The following PUM3 variants were observed in gnomAD, a reference collection of about 807,000 sequenced individuals.
PUM3 encodes pumilio homolog 3.
In PUM3, 91 loss-of-function variants were observed where a neutral mutation model predicts 84.0. The ratio of observed to expected loss-of-function variants is 1.08; its 90% CI spans 0.91 to 1.29. The LOEUF is 1.29. PUM3 is among the 50% of genes most tolerant of loss of function. The pLI is 0.00. For synonymous variants in PUM3, 321 were observed against 266.7 expected (o/e 1.20, Z -1.98); for missense variants, 1,067 against 767.5 (o/e 1.39, Z -4.61).
rs1248638358 is a variant in PUM3, at chr9:2,834,554, A to C, written c.305-388T>G. Among the ~76,000 whole-genome samples the C allele has an allele frequency of 2.6e-5, 4 of 152,234 alleles. No individual in the cohort carries two copies. In the East Asian group the frequency reaches 5.8e-4, roughly 22 times the overall value. On this transcript the variant is annotated intron_variant, in intron 3 of 17. Coordinates refer to ENST00000397885, the MANE Select transcript of PUM3 (RefSeq NM_014878.5). ...AACAAAAATTAGTCCAAATGAAAACAAGAAAAACAACTTCGAAAATTCACT... is the reference window on the plus strand; with the variant it reads ...AACAAAAATTAGTCCAAATGAAAACCAGAAAAACAACTTCGAAAATTCACT...
chr9:2,838,499 A>G lies in PUM3; in HGVS notation c.9T>C (p.Val3=), dbSNP rs1816188485. The G allele has an allele frequency of 3.7e-6, 6 of 1,613,094 alleles. No homozygotes were observed. The highest frequency in any genetic ancestry group is 5.1e-6 in the Non-Finnish European group (6 of 1,179,238). The change falls in exon 2 of 18, where the codon GTT becomes GTC. Residue 3 remains valine (V), a synonymous_variant. Coordinates refer to ENST00000397885, the MANE Select transcript of PUM3 (RefSeq NM_014878.5). ME[V]KGKKQFTGKS... ...TTCCTGTGAATTGCTTTTTCCCTTTAACTTCCATCGTAGCAACTCTGGAAA... is the reference window on the plus strand; with the variant it reads ...TTCCTGTGAATTGCTTTTTCCCTTTGACTTCCATCGTAGCAACTCTGGAAA...
At chr9:2,814,501 A>C (rs1821433095) in intron 13 of PUM3, among the ~76,000 whole-genome samples, 2 of 152,152 alleles carry the variant, frequency 1.3e-5, no homozygotes, top group African/African-American at 4.8e-5. Flanking sequence ...ATGAGCCACC[A>C]CACCAGGCCA....
intron 15 of PUM3, among the ~76,000 whole-genome samples, 153 bp downstream of exon 15, chr9:2,811,208 A>C (rs1486986376): frequency 6.6e-6 from 1 of 152,196 alleles, no homozygotes. Flanking sequence ...GAGAAAATTA[A>C]AGATGAATGT....
In PUM3 at chr9:2,812,324, T is replaced by C. The variant is rs555783888; in HGVS notation, c.1308A>G (p.Lys436=). ...AGTACAATAGGACCTTCCTTCCATA[T>C]TTGTCATTTACTATGCTAGGCAATG... is the stretch of plus-strand genomic sequence containing the variant. ...ISSLPSIVND[K]YGRKVLLYLL... Residue 436 remains lysine, a synonymous_variant, in exon 14 of 18, where the codon AAA becomes AAG. Coordinates refer to ENST00000397885, the MANE Select transcript of PUM3 (RefSeq NM_014878.5). The C allele has an allele frequency of 2.5e-6, 4 of 1,595,554 alleles. No homozygotes were observed. The Admixed American group carries it at 5.0e-5, about 20-fold the overall frequency.
chr9:2,836,343 T>A (rs939942453), intron 3 of PUM3, among the ~76,000 whole-genome samples: 8 of 152,128 alleles, frequency 5.3e-5, no homozygotes, highest in South Asian at 2.1e-4. Flanking sequence ...TCTCAGGATG[T>A]TGCAAAGAAA....
At chr9:2,842,498 A>T (rs983810872) in intron 1 of PUM3, among the ~76,000 whole-genome samples, 1 of 152,132 alleles carries the variant, frequency 6.6e-6, no homozygotes. Context: ...GTTTAAAGCC[A>T]TTCTCTCTAC....
intron 15 of PUM3, among the ~76,000 whole-genome samples, chr9:2,811,132 T>G (rs1157822148): frequency 6.6e-6 from 1 of 152,178 alleles, no homozygotes; most frequent in Non-Finnish European, 1.5e-5. Context: ...TGGCAATGAT[T>G]TCATTCATAA....
chr9:2,822,012 C>A (rs1359547107), intron 12 of PUM3, among the ~76,000 whole-genome samples: 1 of 152,130 alleles, frequency 6.6e-6, no homozygotes, highest in Admixed American at 6.5e-5. Context: ...AAATATAGAA[C>A]AACGTGCCTA....
intron 13 of PUM3, among the ~76,000 whole-genome samples, chr9:2,817,234 G>A (rs1821487527): frequency 6.6e-6 from 1 of 152,220 alleles, no homozygotes; most frequent in Non-Finnish European, 1.5e-5. Context: ...TCGCAGTATA[G>A]TCACATGTAA....
chr9:2,837,491 T>C, intron 2 of PUM3, 90 bp from the exon 3 acceptor site: 1 of 817,842 alleles, frequency 1.2e-6, no homozygotes. Flanking sequence ...AATTATACTT[T>C]TTAATCCCAA....
In PUM3 at chr9:2,828,693, A is replaced by T. The variant is rs1179792116; in HGVS notation, c.938T>A (p.Leu313Gln). Residue 313 changes from leucine (L) to glutamine (Q), a missense_variant, in exon 9 of 18, where the codon CTA becomes CAA. Transcript: ENST00000397885. ...ELIMDEMKQI[L>Q]TPMAQKEAVI... ...TTCTTACTTTTGGGCCATTGGAGTT[A>T]GAATCTGTTTCATTTCATCCATAAT... 6.3e-7 allele frequency: 1 copy of T among 1,596,086 alleles called. No homozygotes were observed. Among genetic ancestry groups the T allele is most frequent in the South Asian group, 1.1e-5 (1 of 90,628 alleles).
intron 1 of PUM3, among the ~76,000 whole-genome samples, chr9:2,841,544 G>T (rs1358973499): frequency 6.6e-6 from 1 of 152,100 alleles, no homozygotes; most frequent in African/African-American, 2.4e-5. Flanking sequence ...CTCCAGCCTG[G>T]GCAACAGAGT....
intron 8 of PUM3, 59 bp from the exon 9 acceptor site, chr9:2,828,837 AAAAAG>A: frequency 3.1e-6 from 3 of 962,224 alleles, no homozygotes; most frequent in South Asian, 2.8e-5. Flanking sequence ...TCACTTCAGG[AAAAAG>A]AAAAGTAATT....
At chr9:2,834,590 C>T (rs1816070783) in intron 3 of PUM3, among the ~76,000 whole-genome samples, 1 of 152,164 alleles carries the variant, frequency 6.6e-6, no homozygotes, top group Admixed American at 6.5e-5. Context: ...GTTCTGAGTG[C>T]TGTTGTATAT....
intron 2 of PUM3, 98 bp downstream of exon 2, chr9:2,838,328 T>G (rs1816183068): frequency 3.7e-6 from 3 of 820,598 alleles, no homozygotes; most frequent in Middle Eastern, 2.3e-4. Flanking sequence ...ACTATTTTAA[T>G]CCTAATCCTA....
chr9:2,813,236 C>G (rs921263417), intron 13 of PUM3, among the ~76,000 whole-genome samples: 1 of 152,188 alleles, frequency 6.6e-6, no homozygotes, highest in Non-Finnish European at 1.5e-5. Flanking sequence ...CCTAACTAAA[C>G]TCCTGTGTAA....
Position 2,810,533 on chromosome 9 carries a change from C to G in PUM3, c.1636-102G>C, listed in dbSNP as rs1400753821. 3 of 761,472 alleles carry G rather than the reference C, an allele frequency of 3.9e-6. No individual in the cohort carries two copies. In the Admixed American group the frequency reaches 8.4e-5, roughly 21 times the overall value. 47.2% of individuals were successfully genotyped at this position (761,472 alleles called of 1,614,324 possible). A position where few individuals can be genotyped will look rare whatever the true frequency, so the allele number is the denominator to read the frequency against. ...TTATGCCACCACATACAGATAAGGA[C>G]TCAGCCACTTTTAAAGTTCCACAGG... On this transcript the variant is annotated intron_variant, in intron 15 of 17. Coordinates refer to ENST00000397885, the MANE Select transcript of PUM3 (RefSeq NM_014878.5).
At position 2,823,804 on chromosome 9, in the gene PUM3, T is replaced by C. The variant is rs149194557; in HGVS notation, c.1165A>G (p.Thr389Ala). The C allele has an allele frequency of 1.5e-5, 23 of 1,520,768 alleles. No homozygotes were observed. Among genetic ancestry groups the C allele is most frequent in the African/African-American group, 2.8e-5 (2 of 72,616 alleles). The allele number at this position is 1,520,768 out of a possible 1,614,324, so 94.2% of individuals were successfully genotyped here. The change falls in exon 12 of 18, where the codon ACT becomes GCT. Residue 389 changes from threonine (T) to alanine (A), a missense_variant. Physicochemically the swap from Thr to Ala is moderately conservative, Grantham distance 58 (BLOSUM62 0). Transcript: ENST00000397885. ...DRKVIVKTMK[T>A]YVEKVANGQY... ...ACATTAGCCACCTTTTCAACATAAGTCTTCATTGTTTTCACAATCACTTTC... is the reference window on the plus strand; with the variant it reads ...ACATTAGCCACCTTTTCAACATAAGCCTTCATTGTTTTCACAATCACTTTC...
chr9:2,825,556 T>C (rs1296285975), intron 10 of PUM3, among the ~76,000 whole-genome samples: 4 of 152,030 alleles, frequency 2.6e-5, no homozygotes, highest in Non-Finnish European at 1.5e-5. Flanking sequence ...CATCTTGGCT[T>C]ACTGCAACCT....
Sources: allele counts gnomAD v4.1 joint callset (sites outside exome capture counted in the v4.1 genomes callset), GRCh38; gene constraint gnomAD v4.1.1; transcripts MANE v1.5; gene names NCBI Gene and HGNC (gene_info 2026-07-23, HGNC 2026-07-21).